ST8SIA1: variants seen among roughly 807,000 people sequenced by gnomAD.
ST8SIA1 encodes alpha-N-acetylneuraminide alpha-2,8-sialyltransferase.
Under a neutral mutation model 35.9 loss-of-function variants are expected in ST8SIA1, and 16 were observed. That is an observed-to-expected ratio of 0.45 (90% CI 0.30 to 0.68). The LOEUF is 0.68. Ranked by LOEUF, ST8SIA1 falls within the 30% of genes least tolerant of loss-of-function variation. The pLI is 0.09. For missense variants in ST8SIA1, 383 were observed against 453.6 expected (o/e 0.84, Z 1.41); for synonymous variants, 170 against 169.6 (o/e 1.00, Z -0.02).
intron 4 of ST8SIA1, among the ~76,000 whole-genome samples, chr12:22,218,718 G>T (rs1178172364): frequency 2.0e-5 from 3 of 151,830 alleles, no homozygotes; most frequent in Admixed American, 1.3e-4. Context: ...TACTCGGGAG[G>T]CTGAGACAAA....
At chr12:22,304,169 G>A (rs564994778) in intron 1 of ST8SIA1, among the ~76,000 whole-genome samples, 102 of 152,066 alleles carry the variant, frequency 6.7e-4, no homozygotes, top group African/African-American at 2.3e-3. Context: ...GCTGAACTAC[G>A]GTCATAAGAT....
intron 4 of ST8SIA1, among the ~76,000 whole-genome samples, chr12:22,213,167 C>T (rs531295811): frequency 9.2e-5 from 14 of 152,154 alleles, no homozygotes; most frequent in South Asian, 6.2e-4. Context: ...ACCAATCAGC[C>T]GCACCCATTC....
Position 22,202,028 on chromosome 12 carries a change from G to T in ST8SIA1, c.595C>A (p.Leu199Ile). ...PSIIRQRFQN[L>I]LWSRKTFVDN... ...ACAAATGTCTTTCTGGACCACAGAA[G>T]GTTCTGAAACCTATTGAAGAAAAAA... Residue 199 changes from leucine to isoleucine, a missense_variant, in exon 5 of 5, where the codon CTT becomes ATT. Coordinates refer to ENST00000396037, the MANE Select transcript of ST8SIA1 (RefSeq NM_003034.4). 1.3e-6 allele frequency: 2 copies of T among 1,595,398 alleles called. No homozygotes were observed. Among genetic ancestry groups the T allele is most frequent in the Non-Finnish European group, 1.7e-6 (2 of 1,174,990 alleles).
At chr12:22,266,449 C>T (rs192700014) in intron 2 of ST8SIA1, among the ~76,000 whole-genome samples, 1 of 151,358 alleles carries the variant, frequency 6.6e-6, no homozygotes, top group Non-Finnish European at 1.5e-5. Flanking sequence ...AAAATCGAAG[C>T]CTTTATTGTT....
At chr12:22,257,378 A>ATTTT (rs34136511) in intron 2 of ST8SIA1, among the ~76,000 whole-genome samples, 1 of 118,604 alleles carries the variant, frequency 8.4e-6, no homozygotes, top group Admixed American at 9.0e-5. Context: ...TGCCCAGCTA[A>ATTTT]TTTTTTTTTT....
At chr12:22,294,006 T>G (rs1866212653) in intron 1 of ST8SIA1, among the ~76,000 whole-genome samples, 1 of 152,134 alleles carries the variant, frequency 6.6e-6, no homozygotes, top group African/African-American at 2.4e-5. Context: ...CTTAAAGAAA[T>G]CTGTCTGAAA....
chr12:22,332,431 T>C (rs959932031), intron 1 of ST8SIA1, among the ~76,000 whole-genome samples: 1 of 152,220 alleles, frequency 6.6e-6, no homozygotes, highest in African/African-American at 2.4e-5. Flanking sequence ...ATGGACTCTT[T>C]CATTGCAAAC....
chr12:22,307,633 C>T (rs920315153), intron 1 of ST8SIA1, among the ~76,000 whole-genome samples: 4 of 152,184 alleles, frequency 2.6e-5, no homozygotes, highest in Non-Finnish European at 5.9e-5. Flanking sequence ...CCTTTTACTG[C>T]TTCCCGTGTT....
At chr12:22,250,363 A>G (rs979103061) in intron 3 of ST8SIA1, among the ~76,000 whole-genome samples, 1 of 152,234 alleles carries the variant, frequency 6.6e-6, no homozygotes, top group Non-Finnish European at 1.5e-5. Context: ...CTTGATGTGT[A>G]CACTTAGTAA....
At chr12:22,253,091 AGAGT>A (rs113524956) in intron 3 of ST8SIA1, among the ~76,000 whole-genome samples, 45 of 152,344 alleles carry the variant, frequency 3.0e-4, no homozygotes, top group African/African-American at 1.0e-3. Flanking sequence ...AGTCATAGAT[AGAGT>A]AAGAGTTGCC....
At chr12:22,249,667 A>T (rs1865647531) in intron 3 of ST8SIA1, among the ~76,000 whole-genome samples, 2 of 152,220 alleles carry the variant, frequency 1.3e-5, no homozygotes, top group Admixed American at 1.3e-4. Flanking sequence ...AATGTCAGCC[A>T]AAGGGGCAAA....
intron 2 of ST8SIA1, among the ~76,000 whole-genome samples, chr12:22,284,314 G>A (rs1254861083): frequency 1.3e-5 from 2 of 152,190 alleles, no homozygotes; most frequent in East Asian, 3.8e-4. Context: ...CTGAAACTCT[G>A]GGAAAGGAGT....
chr12:22,244,890 C>T (rs1029858532), intron 4 of ST8SIA1, among the ~76,000 whole-genome samples: 2 of 152,128 alleles, frequency 1.3e-5, no homozygotes, highest in African/African-American at 2.4e-5. Flanking sequence ...TTGCTATTCT[C>T]GGCTCTTCAT....
chr12:22,321,037 A>AC, intron 1 of ST8SIA1, among the ~76,000 whole-genome samples: 1 of 69,268 alleles, frequency 1.4e-5, no homozygotes, highest in Non-Finnish European at 3.4e-5. Context: ...AAAGAAAGAG[A>AC]AAGAGAAAGA....
intron 4 of ST8SIA1, among the ~76,000 whole-genome samples, chr12:22,239,829 C>T (rs1865520045): frequency 6.6e-6 from 1 of 152,194 alleles, no homozygotes. Flanking sequence ...CCTGGAACCA[C>T]AATAGGCTCC....
intron 1 of ST8SIA1, among the ~76,000 whole-genome samples, chr12:22,310,562 A>G (rs1866437264): frequency 6.6e-6 from 1 of 152,238 alleles, no homozygotes; most frequent in Non-Finnish European, 1.5e-5. Flanking sequence ...CTGAATCTTA[A>G]GAGAAGCTGC....
chr12:22,319,203 T>C (rs1866553591), intron 1 of ST8SIA1, among the ~76,000 whole-genome samples: 2 of 152,238 alleles, frequency 1.3e-5, no homozygotes, highest in Admixed American at 6.5e-5. Flanking sequence ...GCCTGGCATA[T>C]GGCAGACACA....
intron 4 of ST8SIA1, among the ~76,000 whole-genome samples, chr12:22,218,307 G>C (rs989001052): frequency 1.2e-4 from 16 of 135,852 alleles, no homozygotes. Flanking sequence ...CTGGGCAACA[G>C]AGTGAGACTC....
At chr12:22,294,151 G>T (rs137937768) in intron 1 of ST8SIA1, among the ~76,000 whole-genome samples, 415 of 152,150 alleles carry the variant, frequency 2.7e-3, no homozygotes, top group African/African-American at 9.2e-3. Context: ...TTTATTTTCA[G>T]TCTCCCTGTT....
Sources: gnomAD v4.1 joint callset for allele counts (sites outside exome capture counted in the v4.1 genomes callset) on GRCh38, gnomAD v4.1.1 for gene constraint, MANE v1.5 for transcripts, NCBI Gene and HGNC (gene_info 2026-07-23, HGNC 2026-07-21) for gene names.